Variants in KIAA1671 observed in about 807,000 individuals in gnomAD.
The protein encoded by KIAA1671 is KIAA1671, also known as uncharacterized protein KIAA1671.
Under a neutral mutation model 131.2 loss-of-function variants are expected in KIAA1671, and 52 were observed. The ratio of observed to expected loss-of-function variants is 0.40; its 90% confidence interval spans 0.32 to 0.50. The LOEUF (loss-of-function observed/expected upper bound fraction) is 0.50, where lower values mean the gene tolerates loss of function less well. KIAA1671 is among the 20% of genes least tolerant of loss of function. The pLI, the probability that KIAA1671 is intolerant of heterozygous loss-of-function variation, is 0.73. For missense variants in KIAA1671, 2,360 were observed against 2,364.2 expected, an observed-to-expected ratio of 1.00 and a Z score of 0.04; for synonymous variants, 1,003 against 961.6, an observed-to-expected ratio of 1.04 and a Z score of -0.80.
At chr22:25,041,674 G>T in intron 5 of KIAA1671, 149 bp downstream of exon 5, 1 of 756,376 alleles carries the variant, frequency 1.3e-6, no homozygotes, top group East Asian at 2.7e-5. Flanking sequence ...GGTATGGATT[G>T]TGGCAAATGG....
rs185660570 is a variant in KIAA1671, at chr22:25,075,956, A to C, written c.4530+26592A>C. 5.9e-5 allele frequency among the ~76,000 whole-genome samples: 9 copies of C among 151,820 alleles called. No individual in the cohort carries two copies. The East Asian group carries it at 1.8e-3, about 30-fold the overall frequency. ...ATGCCCGGCTAATTTTTGTATTTTTAGTAGAGATGGGGTTTCACTGTGTTA... is the reference window on the plus strand; with the variant it reads ...ATGCCCGGCTAATTTTTGTATTTTTCGTAGAGATGGGGTTTCACTGTGTTA... On this transcript the variant is annotated intron_variant, in intron 6 of 12. Transcript: ENST00000358431.
In KIAA1671 at chr22:25,028,896, G is replaced by A; in HGVS notation, c.897G>A (p.Arg299=). 1 of 1,551,608 alleles carries A rather than the reference G, an allele frequency of 6.4e-7. No individual in the cohort carries two copies. Among genetic ancestry groups the A allele is most frequent in the African/African-American group, 1.4e-5 (1 of 73,198 alleles). Residue 299 remains arginine (R), a synonymous_variant, in exon 3 of 13, where the codon AGG becomes AGA. Coordinates refer to ENST00000358431, the MANE Select transcript of KIAA1671 (RefSeq NM_001145206.2). The part of the protein sequence containing the change: ...ARFENKEALL[R]KVADEGSGPT... The stretch of plus-strand genomic sequence containing the variant: ...TTGAGAACAAAGAGGCCTTGCTGAG[G>A]AAGGTGGCCGATGAAGGAAGTGGAC...
At chr22:25,056,838 G>A (rs1220267721) in intron 6 of KIAA1671, 1 of 146,188 alleles carries the variant, frequency 6.8e-6, no homozygotes, top group East Asian at 2.0e-4. Flanking sequence ...AAAAAAGGCA[G>A]TGAAGTGAGA....
intron 6 of KIAA1671, among the ~76,000 whole-genome samples, chr22:25,169,828 G>C (rs1355688711): frequency 6.6e-6 from 1 of 152,242 alleles, no homozygotes; most frequent in Non-Finnish European, 1.5e-5. Context: ...CAGCCCAAGG[G>C]ATTGATGTTG....
At chr22:25,054,851 A>C (rs1312646128) in intron 6 of KIAA1671, 1 of 149,706 alleles carries the variant, frequency 6.7e-6, no homozygotes, top group African/African-American at 2.4e-5. Context: ...GGTGTTTGCC[A>C]GGTAACTATG....
chr22:25,045,054 CG>C (rs368972432), intron 5 of KIAA1671, among the ~76,000 whole-genome samples: 13,655 of 150,918 alleles, frequency 0.09, 2,036 homozygotes, highest in African/African-American at 0.31. Flanking sequence ...CCAGCTACTC[CG>C]GAGGCTGAGG....
chr22:25,154,052 A>G (rs1234442066), intron 6 of KIAA1671, among the ~76,000 whole-genome samples: 1 of 152,232 alleles, frequency 6.6e-6, no homozygotes, highest in African/African-American at 2.4e-5. Context: ...GGAGGAGGAC[A>G]GTCTAGGTGT....
intron 2 of KIAA1671, 45 bp from the exon 3 acceptor site, chr22:25,027,900 T>C: frequency 1.0e-6 from 1 of 956,674 alleles, no homozygotes; most frequent in Non-Finnish European, 1.5e-6. Flanking sequence ...ACCCAGACAC[T>C]GACTGTTTTC....
chr22:25,034,691 G>C (rs1312091870), intron 4 of KIAA1671, among the ~76,000 whole-genome samples: 9 of 151,888 alleles, frequency 5.9e-5, no homozygotes, highest in Non-Finnish European at 2.9e-5. Flanking sequence ...CTTTGTAAGA[G>C]CTTCTATTTC....
intron 6 of KIAA1671, among the ~76,000 whole-genome samples, chr22:25,105,173 C>G (rs1374088039): frequency 6.6e-6 from 1 of 152,126 alleles, no homozygotes; most frequent in African/African-American, 2.4e-5. Flanking sequence ...AGGTGCCCAC[C>G]ACCACTCCCA....
intron 12 of KIAA1671, 62 bp downstream of exon 12, chr22:25,190,846 CA>C: frequency 1.7e-6 from 2 of 1,167,730 alleles, no homozygotes; most frequent in Non-Finnish European, 2.5e-6. Context: ...ATGGGGAACT[CA>C]GGGGGGCCAC....
At chr22:25,192,081 G>A (rs919999906) in intron 12 of KIAA1671, among the ~76,000 whole-genome samples, 16 of 151,982 alleles carry the variant, frequency 1.1e-4, no homozygotes, top group African/African-American at 3.6e-4. Context: ...ATAAGGGATC[G>A]GGACCTGTGT....
chr22:24,960,541 C>T lies in KIAA1671; in HGVS notation c.-208+7769C>T, dbSNP rs541706629. ...TAGCCTGGGTGACAGGGCAAGACTC[C>T]GTCTCAAAAAAAAAAAAAAAAAAGA... is the stretch of plus-strand genomic sequence containing the variant. On this transcript the variant is annotated intron_variant, in intron 1 of 12. Transcript: ENST00000358431. 6.5e-4 allele frequency among the ~76,000 whole-genome samples: 87 copies of T among 133,794 alleles called. 2 individuals are homozygous for T. In the South Asian group the frequency reaches 0.02, roughly 30 times the overall value. 87.8% of individuals were successfully genotyped at this position (133,794 alleles called of 152,430 possible).
intron 1 of KIAA1671, among the ~76,000 whole-genome samples, chr22:24,955,034 G>A (rs554578073): frequency 3.5e-4 from 54 of 152,284 alleles, no homozygotes; most frequent in African/African-American, 1.2e-3. Context: ...TCCTGCCTCC[G>A]CCTCCCAAAG....
At chr22:25,106,418 C>CGT (rs1223663775) in intron 6 of KIAA1671, among the ~76,000 whole-genome samples, 4 of 152,130 alleles carry the variant, frequency 2.6e-5, no homozygotes, top group Non-Finnish European at 5.9e-5. Context: ...CAGCAGCTGA[C>CGT]GTGTGTGTGT....
intron 6 of KIAA1671, among the ~76,000 whole-genome samples, chr22:25,081,948 C>T (rs1929431424): frequency 6.6e-6 from 1 of 152,110 alleles, no homozygotes; most frequent in African/African-American, 2.4e-5. Context: ...ATATTTCCAG[C>T]TACTGGGGAG....
chr22:24,986,324 CCAGAA>C (rs1923529567), intron 1 of KIAA1671, among the ~76,000 whole-genome samples: 1 of 152,048 alleles, frequency 6.6e-6, no homozygotes, highest in Non-Finnish European at 1.5e-5. Flanking sequence ...ACCAAAATCC[CCAGAA>C]GCTCAAATCC....
chr22:24,954,930 G>A (rs1921614027), intron 1 of KIAA1671, among the ~76,000 whole-genome samples: 1 of 152,188 alleles, frequency 6.6e-6, no homozygotes, highest in Non-Finnish European at 1.5e-5. Context: ...ACAGATGCCC[G>A]CCACTCTGCC....
Position 25,084,025 on chromosome 22 carries a change from C to T in KIAA1671, c.4530+34661C>T, listed in dbSNP as rs541770013. On this transcript the variant is annotated intron_variant, in intron 6 of 12. Transcript: ENST00000358431. The stretch of plus-strand genomic sequence containing the variant: ...CCTAAGTCTTGTCTTGAGGACAAAG[C>T]GGCGGCCTGCCACGTGAGTGCAGGT... Among the ~76,000 whole-genome samples the T allele has an allele frequency of 5.3e-5, 8 of 152,358 alleles. No homozygotes were observed. In the East Asian group the frequency reaches 7.7e-4, roughly 15 times the overall value.
Sources: allele counts gnomAD v4.1 joint callset (sites outside exome capture counted in the v4.1 genomes callset), GRCh38; gene constraint gnomAD v4.1.1; transcripts MANE v1.5; gene names NCBI Gene and HGNC (gene_info 2026-07-23, HGNC 2026-07-21).